Variants in MUC3A observed in about 807,000 individuals in gnomAD.
MUC3A encodes the protein mucin 3A, cell surface associated.
MUC3A carries 109 observed loss-of-function variants against 109.0 expected under a neutral mutation model. That is an observed-to-expected ratio of 1.00 (90% CI 0.86 to 1.17). MUC3A has a LOEUF of 1.17. MUC3A is among the 50% of genes most tolerant of loss of function. The pLI is 0.00. For synonymous variants in MUC3A, 1,398 were observed against 981.4 expected, an observed-to-expected ratio of 1.42 and a Z score of -7.93; for missense variants, 3,537 against 2,469.4, an observed-to-expected ratio of 1.43 and a Z score of -9.16.
At chr7:100,960,674 C>T in intron 2 of MUC3A, 29 bp downstream of exon 2, 1 of 1,592,576 alleles carries the variant, frequency 6.3e-7, no homozygotes, top group Non-Finnish European at 8.5e-7. Context: ...CTGTTCCCCT[C>T]CTTCCTCCCC....
At chr7:100,949,788 A>C in intron 1 of MUC3A, 103 bp downstream of exon 1, 1 of 872,712 alleles carries the variant, frequency 1.1e-6, no homozygotes, top group Non-Finnish European at 1.4e-6. Context: ...GGGGGATAAG[A>C]AGGCACCGCT....
At chr7:100,963,667 C>G in intron 4 of MUC3A, 21 bp from the exon 5 acceptor site, 1 of 1,598,422 alleles carries the variant, frequency 6.3e-7, no homozygotes, top group South Asian at 1.1e-5. Flanking sequence ...GACGTGAGCC[C>G]AGGGATCCTT....
chr7:100,966,766 G>T (rs1400832007), intron 10 of MUC3A, 23 bp downstream of exon 10: 3 of 1,598,540 alleles, frequency 1.9e-6, no homozygotes, highest in Non-Finnish European at 2.5e-6. Flanking sequence ...TCCTGGGGAA[G>T]CAGGCAGAGG....
At position 100,959,724 on chromosome 7, in the gene MUC3A, C is replaced by T. The variant is rs1203696561; in HGVS notation, c.7945C>T (p.Gln2649Ter). Residue 2649 changes from glutamine to a stop codon, truncating the protein, a stop_gained, in exon 2 of 12, where the codon CAA becomes TAA. Transcript: ENST00000379458. LOFTEE classifies it high-confidence loss of function. Reference sequence around the variant, plus strand: ...AACAACTCCTTCTACTCCCTCATTGCAAACTTCACTCACATCTACAAGTGA... The same window carrying T: ...AACAACTCCTTCTACTCCCTCATTGTAAACTTCACTCACATCTACAAGTGA... ...LQTTPSTPSLQTSLTSTSEFT... is the reference protein window; with the variant it reads ...LQTTPSTPSL 1 of 1,598,538 alleles carries T rather than the reference C, an allele frequency of 6.3e-7. No homozygotes were observed. Among genetic ancestry groups the T allele is most frequent in the Non-Finnish European group, 8.5e-7 (1 of 1,179,820 alleles).
Position 100,967,150 on chromosome 7 carries a change from G to A in MUC3A, c.9960G>A (p.Ser3320=), listed in dbSNP as rs1563078419. 3 of 1,598,550 alleles carry A rather than the reference G, an allele frequency of 1.9e-6. No individual in the cohort carries two copies. Among genetic ancestry groups the A allele is most frequent in the South Asian group, 2.2e-5 (2 of 91,090 alleles). ...ACATCAAGAGACCCGAGATGACCTC[G>A]TCCTCAGTGTGAGCCCTGCGGGGCC... is the stretch of plus-strand genomic sequence containing the variant. ...KVHIKRPEMT[S]SSV is the part of the protein sequence containing the mutation. The change falls in exon 12 of 12, where the codon TCG becomes TCA. Residue 3320 remains serine, a synonymous_variant. Coordinates refer to ENST00000379458, the MANE Select transcript of MUC3A (RefSeq NM_005960.2).
In MUC3A at chr7:100,966,445, G is replaced by C. The variant is rs745778029; in HGVS notation, c.9671G>C (p.Trp3224Ser). The change falls in exon 9 of 12, where the codon TGG becomes TCG. Residue 3224 changes from tryptophan (W) to serine (S), a missense_variant. Coordinates refer to ENST00000379458, the MANE Select transcript of MUC3A (RefSeq NM_005960.2). ...CCGCGCTGCGAGGTGGCCGTCCACT[G>C]GAGGGCGCTGGTCGGGGGCCTGACG... ...SGPRCEVAVHWRALVGGLTAG... is the reference protein window; with the variant it reads ...SGPRCEVAVHSRALVGGLTAG... The C allele has an allele frequency of 2.1e-5, 28 of 1,350,122 alleles. No homozygotes were observed. Among genetic ancestry groups the C allele is most frequent in the South Asian group, 2.5e-5 (1 of 40,524 alleles). 83.6% of individuals were successfully genotyped at this position (1,350,122 alleles called of 1,614,324 possible).
Position 100,956,252 on chromosome 7 carries a change from T to A in MUC3A, c.4473T>A (p.Thr1491=). ...CCACTATGACAGAGACATCATCTAC[T>A]GCCACCTCTCTTCCACCCACCTCTT... is the stretch of plus-strand genomic sequence containing the variant. ...YPTTMTETSS[T]ATSLPPTSSL... The change falls in exon 2 of 12, where the codon ACT becomes ACA. Residue 1491 remains threonine, a synonymous_variant. Coordinates refer to ENST00000379458, the MANE Select transcript of MUC3A (RefSeq NM_005960.2). The A allele has an allele frequency of 4.0e-6, 2 of 498,744 alleles. No individual in the cohort carries two copies. The highest frequency in any genetic ancestry group is 7.1e-6 in the Non-Finnish European group (2 of 282,748). The allele number at this position is 498,744 out of a possible 1,614,324, so 30.9% of individuals were successfully genotyped here.
chr7:100,959,955 T>C lies in MUC3A; in HGVS notation c.8176T>C (p.Ser2726Pro). The C allele has an allele frequency of 6.6e-7, 1 of 1,509,990 alleles. No homozygotes were observed. Among genetic ancestry groups the C allele is most frequent in the Non-Finnish European group, 8.8e-7 (1 of 1,140,430 alleles). 93.5% of individuals were successfully genotyped at this position (1,509,990 alleles called of 1,614,324 possible). A position where few individuals can be genotyped will look rare whatever the true frequency, so the allele number is the denominator to read the frequency against. ...CAGTACAGAAAATGTGGGCTCCGCT[T>C]CTATCACAGGCTTTCCTAGTCTCTC... ...IFSTENVGSA[S>P]ITGFPSLSSS... The change falls in exon 2 of 12, where the codon TCT (serine) becomes CCT (proline). Residue 2726 changes from serine to proline, a missense_variant. By Grantham distance (74) the Ser-to-Pro change is moderately conservative. Transcript: ENST00000379458.
At chr7:100,963,847 T>G in intron 5 of MUC3A, 95 bp downstream of exon 5, 2 of 1,547,154 alleles carry the variant, frequency 1.3e-6, no homozygotes, top group Non-Finnish European at 1.7e-6. Context: ...TCATCAGATT[T>G]TATAAAGAGG....
At position 100,958,832 on chromosome 7, in the gene MUC3A, C is replaced by G. The variant is rs75289399; in HGVS notation, c.7053C>G (p.Asn2351Lys). Residue 2351 changes from asparagine to lysine, a missense_variant, in exon 2 of 12, where the codon AAC (asparagine) becomes AAG (lysine). By Grantham distance (94) the Asn-to-Lys change is moderately conservative. Coordinates refer to ENST00000379458, the MANE Select transcript of MUC3A (RefSeq NM_005960.2). ...CTTCGATCACCACCACCGAGACCAA[C>G]TCTCACAGTACTACCAGCTTCACTT... ...FTSSITTTET[N>K]SHSTTSFTSS... 2 of 1,057,392 alleles carry G rather than the reference C, an allele frequency of 1.9e-6. No homozygotes were observed. The highest frequency in any genetic ancestry group is 3.4e-5 in the East Asian group (1 of 29,626). The allele number at this position is 1,057,392 out of a possible 1,614,324, so 65.5% of individuals were successfully genotyped here. A position where few individuals can be genotyped will look rare whatever the true frequency, so the allele number is the denominator to read the frequency against.
In MUC3A at chr7:100,960,504, T is replaced by C; in HGVS notation, c.8725T>C (p.Ser2909Pro). 2 of 1,598,698 alleles carry C rather than the reference T, an allele frequency of 1.3e-6. No individual in the cohort carries two copies. The highest frequency in any genetic ancestry group is 2.2e-5 in the South Asian group (2 of 91,092). The change falls in exon 2 of 12, where the codon TCA (serine) becomes CCA (proline). Residue 2909 changes from serine (S) to proline (P), a missense_variant. Coordinates refer to ENST00000379458, the MANE Select transcript of MUC3A (RefSeq NM_005960.2). ...LPTILRTSSK[S>P]THPSPPTTRT... The stretch of plus-strand genomic sequence containing the variant: ...GACCATCCTGAGGACTTCAAGCAAG[T>C]CAACACACCCCTCCCCACCCACCAC...
At position 100,952,972 on chromosome 7, in the gene MUC3A, G is replaced by A. The variant is rs933357132; in HGVS notation, c.1193G>A (p.Ser398Asn). ...ACCACCACTGAGATCTCCTCCCACAGTACTCCCAGCTTCTCTTCATCAACC... is the reference window on the plus strand; with the variant it reads ...ACCACCACTGAGATCTCCTCCCACAATACTCCCAGCTTCTCTTCATCAACC... Reference protein sequence around the residue: ...VTTTTEISSHSTPSFSSSTIY... With the variant: ...VTTTTEISSHNTPSFSSSTIY... Residue 398 changes from serine to asparagine, a missense_variant, in exon 2 of 12, where the codon AGT becomes AAT. By Grantham distance (46) the Ser-to-Asn change is conservative. Transcript: ENST00000379458. 50 of 1,573,480 alleles carry A rather than the reference G, an allele frequency of 3.2e-5. No individual in the cohort carries two copies. Among genetic ancestry groups the A allele is most frequent in the Middle Eastern group, 1.7e-4 (1 of 6,036 alleles).
chr7:100,951,902 C>T lies in MUC3A; in HGVS notation c.123C>T (p.Ser41=), dbSNP rs573026294. The T allele has an allele frequency of 2.4e-5, 38 of 1,598,648 alleles. No individual in the cohort carries two copies. Among genetic ancestry groups the T allele is most frequent in the East Asian group, 4.5e-5 (2 of 44,890 alleles). Residue 41 remains serine (S), a synonymous_variant, in exon 2 of 12, where the codon AGC becomes AGT. Coordinates refer to ENST00000379458, the MANE Select transcript of MUC3A (RefSeq NM_005960.2). ...CTTTCCCCAGAGCAGAAGCAGCCAG[C>T]GCTGTGCTCAGCAATTCTCCACACT... is the stretch of plus-strand genomic sequence containing the variant. ...QVPFPRAEAA[S]AVLSNSPHSR...
At position 100,954,577 on chromosome 7, in the gene MUC3A, C is replaced by G; in HGVS notation, c.2798C>G (p.Thr933Ser). The change falls in exon 2 of 12, where the codon ACC becomes AGC. Residue 933 changes from threonine to serine, a missense_variant. Transcript: ENST00000379458. ...GAGAGTATCTCCTCACCTCGAGGCA[C>G]CACCAGTACACTCCACACAACAGTT... is the stretch of plus-strand genomic sequence containing the variant. ...HTESISSPRG[T>S]TSTLHTTVES... The G allele has an allele frequency of 2.5e-6, 1 of 400,858 alleles. No homozygotes were observed. The highest frequency in any genetic ancestry group is 4.4e-5 in the Admixed American group (1 of 22,852). 24.8% of individuals were successfully genotyped at this position (400,858 alleles called of 1,614,324 possible).
chr7:100,965,559 C>T (rs1324271382), intron 7 of MUC3A, 145 bp from the exon 8 acceptor site: 9 of 1,445,558 alleles, frequency 6.2e-6, no homozygotes, highest in Non-Finnish European at 8.3e-6. Context: ...GGTGGCCTCC[C>T]CTCATCGAAT....
At position 100,966,682 on chromosome 7, in the gene MUC3A, G is replaced by C; in HGVS notation, c.9816G>C (p.Glu3272Asp). The change falls in exon 10 of 12, where the codon GAG (glutamate) becomes GAC (aspartate). Residue 3272 changes from glutamate to aspartate, a missense_variant. Transcript: ENST00000379458. ...RSWDQDRKWF[E>D]TWDEEVVGTF... ...GGGACCAGGACAGGAAATGGTTCGAGACCTGGGATGAGGAAGTCGTGGGCA... is the reference window on the plus strand; with the variant it reads ...GGGACCAGGACAGGAAATGGTTCGACACCTGGGATGAGGAAGTCGTGGGCA... 6.3e-7 allele frequency: 1 copy of C among 1,598,556 alleles called. No homozygotes were observed. The highest frequency in any genetic ancestry group is 8.5e-7 in the Non-Finnish European group (1 of 1,179,832).
rs945377150 is a variant in MUC3A at position 100,961,106 on chromosome 7, G to A, written c.9052+169G>A. 1.4e-4 allele frequency: 140 copies of A among 977,724 alleles called. No individual in the cohort carries two copies. In the African/African-American group the frequency reaches 1.9e-3, roughly 14 times the overall value. The allele number at this position is 977,724 out of a possible 1,614,324, so 60.6% of individuals were successfully genotyped here. A position where few individuals can be genotyped will look rare whatever the true frequency, so the allele number is the denominator to read the frequency against. ...GCTGCCCTGTGTCATGCTCCTCTCC[G>A]TCCTCACCCTTAGGAGGTGGCTGGG... On this transcript the variant is annotated intron_variant, in intron 3 of 11. Coordinates refer to ENST00000379458, the MANE Select transcript of MUC3A (RefSeq NM_005960.2).
rs770729770 is a variant in MUC3A at position 100,959,922 on chromosome 7, T to C, written c.8143T>C (p.Tyr2715His). The C allele has an allele frequency of 3.3e-6, 5 of 1,514,778 alleles. No individual in the cohort carries two copies. The highest frequency in any genetic ancestry group is 1.3e-5 in the South Asian group (1 of 75,640). The allele number at this position is 1,514,778 out of a possible 1,614,324, so 93.8% of individuals were successfully genotyped here. The change falls in exon 2 of 12, where the codon TAC (tyrosine) becomes CAC (histidine). Residue 2715 changes from tyrosine (Y) to histidine (H), a missense_variant. Physicochemically the swap from Tyr to His is moderately conservative, Grantham distance 83 (BLOSUM62 2). Transcript: ENST00000379458. ...TTIHSVPSSP[Y>H]IFSTENVGSA... is the part of the protein sequence containing the mutation. ...CATTCATTCTGTTCCTTCTTCACCA[T>C]ACATTTTCAGTACAGAAAATGTGGG...
chr7:100,960,278 CATG>C lies in MUC3A; in HGVS notation c.8503_8505del (p.Met2835del). 2 of 1,598,554 alleles carry C rather than the reference CATG, an allele frequency of 1.3e-6. No homozygotes were observed. Among genetic ancestry groups the C allele is most frequent in the African/African-American group, 2.7e-5 (2 of 75,086 alleles). On this transcript the variant is annotated inframe_deletion, in exon 2 of 12. Coordinates refer to ENST00000379458, the MANE Select transcript of MUC3A (RefSeq NM_005960.2). ...TTACTACATATATGGACACTTCTTCCATGATGCCAGAAAGTGAGTCCAGCATCT... is the reference window on the plus strand; with the variant it reads ...TTACTACATATATGGACACTTCTTCCATGCCAGAAAGTGAGTCCAGCATCT...
Sources: allele counts gnomAD v4.1 joint callset, GRCh38; gene constraint gnomAD v4.1.1; transcripts MANE v1.5; gene names NCBI Gene and HGNC (gene_info 2026-07-23, HGNC 2026-07-21).